NAV3: variants seen among roughly 807,000 people sequenced by gnomAD.
The protein encoded by NAV3 is neuron navigator 3.
NAV3 carries 87 observed loss-of-function variants against 244.7 expected under a neutral mutation model. The ratio of observed to expected loss-of-function variants is 0.36; its 90% CI spans 0.30 to 0.42. The LOEUF is 0.42. Among genes scored for constraint, NAV3 ranks in the 20% least tolerant of loss-of-function variants. The probability of loss-of-function intolerance (pLI) is 1.00; values close to 1 mark genes in which losing one functional copy is unlikely to be tolerated. For missense variants in NAV3, 2,663 were observed against 2,893.3 expected (o/e 0.92, Z 1.83); for synonymous variants, 1,126 against 1,042.2 (o/e 1.08, Z -1.55).
chr12:77,814,372 C>G (rs573286905), intron 2 of NAV3, among the ~76,000 whole-genome samples: 1 of 152,080 alleles, frequency 6.6e-6, no homozygotes, highest in Non-Finnish European at 1.5e-5. Context: ...GCTTTTCTGC[C>G]GTGGTTTGAC....
At chr12:77,989,467 AAC>A (rs1317706838) in intron 5 of NAV3, among the ~76,000 whole-genome samples, 2 of 152,148 alleles carry the variant, frequency 1.3e-5, no homozygotes, top group African/African-American at 2.4e-5. Flanking sequence ...CCAACCAACC[AAC>A]CAAACAAACA....
chr12:77,995,183 AT>A (rs1427600566), intron 6 of NAV3, among the ~76,000 whole-genome samples: 1 of 152,192 alleles, frequency 6.6e-6, no homozygotes, highest in African/African-American at 2.4e-5. Context: ...AAGTCACATA[AT>A]CTGGAAGTTA....
rs1031391804 is a variant in NAV3, at chr12:77,993,258, C to T, written c.672-1545C>T. On this transcript the variant is annotated intron_variant, in intron 5 of 39. Transcript: ENST00000397909. ...CATCTATTTTGCTAATATTTGTGTT[C>T]AATTTAGAGAAAGTAGGGTAGACAT... Among the ~76,000 whole-genome samples the T allele has an allele frequency of 1.6e-4, 25 of 152,214 alleles. No individual in the cohort carries two copies. In the East Asian group the frequency reaches 1.7e-3, roughly 11 times the overall value.
chr12:78,007,758 C>T (rs1427303379), intron 8 of NAV3, among the ~76,000 whole-genome samples: 1 of 152,200 alleles, frequency 6.6e-6, no homozygotes, highest in Non-Finnish European at 1.5e-5. Context: ...ATTATTGCTA[C>T]TACTATACTG....
Position 78,009,495 on chromosome 12 carries a change from T to A in NAV3, c.1907+2050T>A, listed in dbSNP as rs553411851. Among the ~76,000 whole-genome samples, 12 of 144,590 alleles carry A rather than the reference T, an allele frequency of 8.3e-5. No homozygotes were observed. The South Asian group carries it at 1.3e-3, about 16-fold the overall frequency. The allele number at this position is 144,590 out of a possible 152,430, so 94.9% of individuals were successfully genotyped here. On this transcript the variant is annotated intron_variant, in intron 8 of 39. Coordinates refer to ENST00000397909, the MANE Select transcript of NAV3 (RefSeq NM_001024383.2). Reference sequence around the variant, plus strand: ...AAGAGAAAAAAAGGGCGATAGAATATGTCTTACTCTACCATTGTTCAGAAA... The same window carrying A: ...AAGAGAAAAAAAGGGCGATAGAATAAGTCTTACTCTACCATTGTTCAGAAA...
chr12:78,182,770 C>T lies in NAV3; in HGVS notation c.5692+1725C>T, dbSNP rs548140104. Among the ~76,000 whole-genome samples the T allele has an allele frequency of 9.6e-4, 146 of 151,532 alleles. 1 individual carries two copies. The highest frequency in any genetic ancestry group is 3.1e-3 in the African/African-American group (130 of 41,350). ...AAGTTATTTTTAATATATCTTATTT[C>T]CTTAATTATTTTTCAATAGTGATAC... On this transcript the variant is annotated intron_variant, in intron 30 of 39. Coordinates refer to ENST00000397909, the MANE Select transcript of NAV3 (RefSeq NM_001024383.2).
intron 30 of NAV3, among the ~76,000 whole-genome samples, chr12:78,183,027 TC>T (rs1194537166): frequency 6.6e-6 from 1 of 151,934 alleles, no homozygotes; most frequent in African/African-American, 2.4e-5. Flanking sequence ...GTTCCTTGCA[TC>T]CAGTAAAGAC....
chr12:77,705,238 G>GCATATTTCACCTGCTTGGGCTGTTTT (rs1555196505), intron 2 of NAV3, among the ~76,000 whole-genome samples: 13 of 151,814 alleles, frequency 8.6e-5, no homozygotes, highest in South Asian at 2.1e-4. Flanking sequence ...GGCCAACATA[G>GCATATTTCACCTGCTTGGGCTGTTTT]CGAAACCCTG....
At chr12:77,931,319 G>A (rs1286511852) in intron 1 of NAV3, among the ~76,000 whole-genome samples, 1 of 151,128 alleles carries the variant, frequency 6.6e-6, no homozygotes. Context: ...TGTGTGTGTG[G>A]GTGTAAGTGT....
chr12:77,739,011 CAAAAAAAAAAAAAAAA>C (rs1168641355), intron 2 of NAV3, among the ~76,000 whole-genome samples: 16 of 64,070 alleles, frequency 2.5e-4, no homozygotes, highest in Admixed American at 2.3e-4. Context: ...GACTCCGTCT[CAAAAAAAAAAAAAAAA>C]AAAAAAAAAA....
chr12:78,135,486 A>C (rs1593734076), intron 18 of NAV3, among the ~76,000 whole-genome samples: 3 of 152,324 alleles, frequency 2.0e-5, no homozygotes, highest in Admixed American at 2.0e-4. Context: ...CTTCACTTGG[A>C]TATCTCTGCA....
chr12:77,687,646 G>GAAGC (rs1444437461), intron 2 of NAV3, among the ~76,000 whole-genome samples: 1 of 152,032 alleles, frequency 6.6e-6, no homozygotes, highest in Non-Finnish European at 1.5e-5. Context: ...ACAGCATATG[G>GAAGC]AAGCGTTCTA....
At chr12:77,957,999 A>G (rs1173543619) in intron 3 of NAV3, among the ~76,000 whole-genome samples, 1 of 152,182 alleles carries the variant, frequency 6.6e-6, no homozygotes, top group Non-Finnish European at 1.5e-5. Context: ...TCTATGGTTG[A>G]TATGTCAAGA....
chr12:77,592,342 T>C (rs1848313986), intron 2 of NAV3, among the ~76,000 whole-genome samples: 1 of 152,182 alleles, frequency 6.6e-6, no homozygotes, highest in Admixed American at 6.5e-5. Flanking sequence ...TTCAGGATGT[T>C]ATATATTTTT....
At position 78,039,819 on chromosome 12, in the gene NAV3, C is replaced by T. The variant is rs115237320; in HGVS notation, c.2024-10174C>T. Reference sequence around the variant, plus strand: ...ACACCTTATGAGCAGTGAGAAAGCACTTTGCACCAATGTTAAAAACTCTAG... The same window carrying T: ...ACACCTTATGAGCAGTGAGAAAGCATTTTGCACCAATGTTAAAAACTCTAG... On this transcript the variant is annotated intron_variant, in intron 9 of 39. Coordinates refer to ENST00000397909, the MANE Select transcript of NAV3 (RefSeq NM_001024383.2). 5.5e-3 allele frequency among the ~76,000 whole-genome samples: 828 copies of T among 151,918 alleles called. 8 individuals carry two copies. Among genetic ancestry groups the T allele is most frequent in the African/African-American group, 0.019 (802 of 41,446 alleles).
At chr12:77,770,951 G>T (rs1375129319) in intron 2 of NAV3, among the ~76,000 whole-genome samples, 1 of 151,976 alleles carries the variant, frequency 6.6e-6, no homozygotes, top group African/African-American at 2.4e-5. Flanking sequence ...CACAGCAAAA[G>T]AAACTACCAT....
At chr12:77,647,473 GT>G (rs377328525) in intron 2 of NAV3, among the ~76,000 whole-genome samples, 7 of 146,036 alleles carry the variant, frequency 4.8e-5, no homozygotes, top group African/African-American at 7.6e-5. Context: ...TTTTGTTTTT[GT>G]TTTTTTTTGC....
chr12:77,722,141 A>G (rs1307973508), intron 2 of NAV3, among the ~76,000 whole-genome samples: 1 of 151,940 alleles, frequency 6.6e-6, no homozygotes, highest in East Asian at 1.9e-4. Context: ...CTTGATGCAT[A>G]TTTTTCTTTA....
intron 1 of NAV3, among the ~76,000 whole-genome samples, chr12:77,869,105 G>A (rs759020571): frequency 5.3e-5 from 8 of 152,036 alleles, no homozygotes; most frequent in Non-Finnish European, 1.2e-4. Context: ...CTGAGGACGC[G>A]AGGATTAATA....
Sources: gnomAD v4.1 joint callset for allele counts (sites outside exome capture counted in the v4.1 genomes callset) on GRCh38, gnomAD v4.1.1 for gene constraint, MANE v1.5 for transcripts, NCBI Gene and HGNC (gene_info 2026-07-23, HGNC 2026-07-21) for gene names.